RTN1: variants seen among roughly 807,000 people sequenced by gnomAD.
The protein encoded by RTN1 is reticulon-1.
Under a neutral mutation model 65.5 loss-of-function variants are expected in RTN1, and 25 were observed. That is an observed-to-expected ratio of 0.38 (90% CI 0.28 to 0.53). The LOEUF is 0.53. RTN1 is among the 20% of genes least tolerant of loss of function. RTN1 has a pLI of 0.79. For synonymous variants in RTN1, 471 were observed against 447.6 expected, an observed-to-expected ratio of 1.05 and a Z score of -0.66; for missense variants, 983 against 1,025.4, an observed-to-expected ratio of 0.96 and a Z score of 0.57.
chr14:59,828,383 T>C (rs1887069341), intron 1 of RTN1, among the ~76,000 whole-genome samples: 1 of 152,196 alleles, frequency 6.6e-6, no homozygotes. Context: ...ATTTACAATG[T>C]TCAGTCCCTA....
chr14:59,711,450 T>C (rs1357890545), intron 3 of RTN1, among the ~76,000 whole-genome samples: 1 of 152,244 alleles, frequency 6.6e-6, no homozygotes, highest in East Asian at 1.9e-4. Flanking sequence ...TGTTCTCTTC[T>C]TAATTAGCCT....
chr14:59,823,599 C>G (rs1296064503), intron 1 of RTN1, among the ~76,000 whole-genome samples: 1 of 152,102 alleles, frequency 6.6e-6, no homozygotes. Context: ...AATATAGGCC[C>G]CCCATCTCTT....
rs1887214039 is a variant in RTN1, at chr14:59,836,423, TCC to T, written c.241+33965_241+33966del. ...CTCAGGCACAGAGAGATTAAGGAAC[TCC>T]CCACATCACACAACTAATTTTTCCA... On this transcript the variant is annotated intron_variant, in intron 1 of 8. Coordinates refer to ENST00000267484, the MANE Select transcript of RTN1 (RefSeq NM_021136.3). The surrounding 1 kb of genome is among the most constrained non-coding windows in gnomAD (Gnocchi z 4.9). Among the ~76,000 whole-genome samples the T allele has an allele frequency of 6.6e-6, 1 of 152,222 alleles. No homozygotes were observed. The highest frequency in any genetic ancestry group is 6.5e-5 in the Admixed American group (1 of 15,272).
chr14:59,626,243 A>G (rs986393021), intron 3 of RTN1, among the ~76,000 whole-genome samples: 20 of 152,306 alleles, frequency 1.3e-4, no homozygotes, highest in African/African-American at 4.3e-4. Flanking sequence ...CTCCTTTCAG[A>G]ACAGACTATC....
In RTN1 at chr14:59,684,531, T is replaced by A. The variant is rs1288862999; in HGVS notation, c.1765+42388A>T. On this transcript the variant is annotated intron_variant, in intron 3 of 8. Coordinates refer to ENST00000267484, the MANE Select transcript of RTN1 (RefSeq NM_021136.3). Reference sequence around the variant, plus strand: ...GAAACTGTGATCTCGTATCACTAAATCCCCTACCACTCAACAGAAAAAAGC... The same window carrying A: ...GAAACTGTGATCTCGTATCACTAAAACCCCTACCACTCAACAGAAAAAAGC... Among the ~76,000 whole-genome samples the A allele has an allele frequency of 2.6e-5, 4 of 152,122 alleles. No homozygotes were observed. In the East Asian group the frequency reaches 7.7e-4, roughly 29 times the overall value.
chr14:59,847,486 T>A (rs193092374), intron 1 of RTN1, among the ~76,000 whole-genome samples: 1 of 152,380 alleles, frequency 6.6e-6, no homozygotes. Flanking sequence ...TTAAAATTAC[T>A]TGTTAATTTA....
chr14:59,619,650 G>A (rs1882201584), intron 3 of RTN1, among the ~76,000 whole-genome samples: 4 of 152,154 alleles, frequency 2.6e-5, no homozygotes, highest in Admixed American at 2.0e-4. Flanking sequence ...GGTAGGCTAA[G>A]GGATGCAGTC....
rs148645166 is a variant in RTN1, at chr14:59,647,177, T to C, written c.1766-39685A>G. Among the ~76,000 whole-genome samples the C allele has an allele frequency of 2.0e-4, 31 of 152,094 alleles. No individual in the cohort carries two copies. In the East Asian group the frequency reaches 5.6e-3, roughly 28 times the overall value. On this transcript the variant is annotated intron_variant, in intron 3 of 8. Coordinates refer to ENST00000267484, the MANE Select transcript of RTN1 (RefSeq NM_021136.3). ...AATCCCAATCTCAGACAAACAGACT[T>C]TAAACAAACAAAAATCAAAAAAGAC...
intron 3 of RTN1, among the ~76,000 whole-genome samples, chr14:59,626,598 C>T (rs551501925): frequency 2.6e-5 from 4 of 152,278 alleles, no homozygotes; most frequent in African/African-American, 7.2e-5. Context: ...CAACACCATT[C>T]GGATTTGGGT....
At chr14:59,860,247 C>T (rs770346677) in intron 1 of RTN1, among the ~76,000 whole-genome samples, 1 of 152,176 alleles carries the variant, frequency 6.6e-6, no homozygotes, top group African/African-American at 2.4e-5. Context: ...GCTTCTCAGC[C>T]ACTCCAGCCA....
intron 3 of RTN1, among the ~76,000 whole-genome samples, chr14:59,609,923 C>G (rs775227140): frequency 3.9e-5 from 6 of 152,240 alleles, no homozygotes; most frequent in Non-Finnish European, 7.4e-5. Context: ...TTTTATGATG[C>G]TCGTACATAT....
chr14:59,672,045 C>G (rs938599619), intron 3 of RTN1, among the ~76,000 whole-genome samples: 1 of 152,198 alleles, frequency 6.6e-6, no homozygotes, highest in African/African-American at 2.4e-5. Flanking sequence ...TTGAAAGTCT[C>G]TAAAATCAGC....
At chr14:59,750,346 A>ATACAT (rs1555358895) in intron 1 of RTN1, among the ~76,000 whole-genome samples, 1 of 40,396 alleles carries the variant, frequency 2.5e-5, no homozygotes, top group African/African-American at 1.7e-4. Flanking sequence ...TATATCTATA[A>ATACAT]TATATATTAT....
chr14:59,694,928 G>A (rs948785842), intron 3 of RTN1, among the ~76,000 whole-genome samples: 3 of 152,170 alleles, frequency 2.0e-5, no homozygotes, highest in Admixed American at 2.0e-4. Flanking sequence ...GTTCCAGTGT[G>A]GACAGCAAAC....
intron 3 of RTN1, among the ~76,000 whole-genome samples, chr14:59,666,358 TG>T (rs1276979547): frequency 6.6e-6 from 1 of 152,014 alleles, no homozygotes; most frequent in Non-Finnish European, 1.5e-5. Flanking sequence ...AATAACAAAA[TG>T]AAGGCAGAAA....
chr14:59,653,677 A>C (rs1883064115), intron 3 of RTN1, among the ~76,000 whole-genome samples: 1 of 151,966 alleles, frequency 6.6e-6, no homozygotes, highest in Non-Finnish European at 1.5e-5. Flanking sequence ...ATATATAGAT[A>C]GCAATCTATT....
At chr14:59,676,321 AG>A (rs1883626247) in intron 3 of RTN1, among the ~76,000 whole-genome samples, 1 of 152,240 alleles carries the variant, frequency 6.6e-6, no homozygotes, top group Non-Finnish European at 1.5e-5. Context: ...GAAAGCTCTA[AG>A]TATATAGCAA....
At chr14:59,640,184 T>C (rs112018981) in intron 3 of RTN1, among the ~76,000 whole-genome samples, 2,724 of 152,324 alleles carry the variant, frequency 0.018, 75 homozygotes, top group African/African-American at 0.061. Flanking sequence ...GGACTTTTCT[T>C]TGTAAAACAG....
intron 3 of RTN1, among the ~76,000 whole-genome samples, chr14:59,714,390 A>G (rs1175128872): frequency 6.6e-6 from 1 of 152,214 alleles, no homozygotes; most frequent in Non-Finnish European, 1.5e-5. Context: ...CCAACATTTC[A>G]GTGGCTTAAC....
Sources: allele counts gnomAD v4.1 joint callset (sites outside exome capture counted in the v4.1 genomes callset), GRCh38; gene constraint gnomAD v4.1.1; non-coding constraint Gnocchi (gnomAD v3.1); transcripts MANE v1.5; gene names NCBI Gene and HGNC (gene_info 2026-07-23, HGNC 2026-07-21).